RGPD3: variants seen among roughly 807,000 people sequenced by gnomAD.
RGPD3 encodes RANBP2 like and GRIP domain containing 3.
Under a neutral mutation model 154.5 loss-of-function variants are expected in RGPD3, and 62 were observed. The observed-to-expected ratio is 0.40, with a 90% CI of 0.33 to 0.50. The LOEUF (loss-of-function observed/expected upper bound fraction) is 0.50. Among genes scored for constraint, RGPD3 ranks in the 20% least tolerant of loss-of-function variants. RGPD3 has a pLI of 0.59. For synonymous variants in RGPD3, 308 were observed against 607.0 expected, an observed-to-expected ratio of 0.51 and a Z score of 7.24; for missense variants, 919 against 1,716.8, an observed-to-expected ratio of 0.54 and a Z score of 8.21.
intron 7 of RGPD3, among the ~76,000 whole-genome samples, chr2:106,442,184 AC>A: frequency 1.1e-5 from 1 of 92,170 alleles, no homozygotes; most frequent in African/African-American, 4.2e-5. Flanking sequence ...CCTATCTCCA[AC>A]AAAAGAAAAA....
intron 1 of RGPD3, among the ~76,000 whole-genome samples, chr2:106,461,318 T>C (rs1573302249): frequency 1.4e-5 from 2 of 147,490 alleles, no homozygotes; most frequent in East Asian, 2.1e-4. Flanking sequence ...TTTGGTGCCA[T>C]TTTAAATAAA....
At chr2:106,447,961 T>C (rs1444965619) in intron 6 of RGPD3, among the ~76,000 whole-genome samples, 4 of 151,804 alleles carry the variant, frequency 2.6e-5, no homozygotes, top group Non-Finnish European at 5.9e-5. Flanking sequence ...CCTGATCATA[T>C]AATTTCATTA....
rs1407215512 is a variant in RGPD3, at chr2:106,424,676, TCTTA to T, written c.3287_3290del (p.Val1096GlufsTer3). On this transcript the variant is annotated frameshift_variant, in exon 20 of 23. Coordinates refer to ENST00000409886, the MANE Select transcript of RGPD3 (RefSeq NM_001144013.2). LOFTEE classifies it high-confidence loss of function. ...GTACTTGTTCTCTTTGCATCAGCATTCTTACTTTGCCATTGACCTCGTTTTTGAG... is the reference window on the plus strand; with the variant it reads ...GTACTTGTTCTCTTTGCATCAGCATTCTTTGCCATTGACCTCGTTTTTGAG... 1 of 1,611,890 alleles carries T rather than the reference TCTTA, an allele frequency of 6.2e-7. No homozygotes were observed. The highest frequency in any genetic ancestry group is 8.5e-7 in the Non-Finnish European group (1 of 1,179,862).
intron 7 of RGPD3, among the ~76,000 whole-genome samples, chr2:106,445,220 C>T (rs1321180586): frequency 1.1e-4 from 16 of 143,034 alleles, no homozygotes; most frequent in South Asian, 2.2e-4. Context: ...ACCCAGGAGG[C>T]GGAGCTTGCA....
At chr2:106,470,894 C>T, upstream of RGPD3, 1 of 1,591,182 alleles carries the variant, frequency 6.3e-7, no homozygotes, top group African/African-American at 1.4e-5. Context: ...TGGACATCGT[C>T]AGAGAGGGAG....
At chr2:106,416,083 T>C (rs1189682103) in intron 20 of RGPD3, 94 bp from the exon 21 acceptor site, 3 of 1,541,096 alleles carry the variant, frequency 1.9e-6, no homozygotes, top group African/African-American at 2.8e-5. Flanking sequence ...TATCTTACTA[T>C]GTGATATTTT....
rs756752769 is a variant in RGPD3 at position 106,424,021 on chromosome 2, C to T, written c.3946G>A (p.Val1316Ile). ...ACATCAGATTCTTCATCAGTGCCAACTGAAGTCCCACTCTGATTCAACTTG... is the reference window on the plus strand; with the variant it reads ...ACATCAGATTCTTCATCAGTGCCAATTGAAGTCCCACTCTGATTCAACTTG... ...PAKLNQSGTS[V>I]GTDEESDVTQ... The change falls in exon 20 of 23, where the codon GTT becomes ATT. Residue 1316 changes from valine (V) to isoleucine (I), a missense_variant. Physicochemically the swap from Val to Ile is conservative, Grantham distance 29 (BLOSUM62 3). Transcript: ENST00000409886. 2.5e-6 allele frequency: 4 copies of T among 1,611,656 alleles called. No homozygotes were observed. Among genetic ancestry groups the T allele is most frequent in the South Asian group, 2.2e-5 (2 of 90,972 alleles).
chr2:106,406,780 T>C (rs62146304), intron 22 of RGPD3, among the ~76,000 whole-genome samples: 208 of 135,982 alleles, frequency 1.5e-3, no homozygotes, highest in African/African-American at 5.3e-3. Flanking sequence ...TTTAATTTGG[T>C]ATTACCCTTC....
chr2:106,440,251 A>T (rs1677697461), intron 8 of RGPD3, among the ~76,000 whole-genome samples: 1 of 101,908 alleles, frequency 9.8e-6, no homozygotes, highest in African/African-American at 3.9e-5. Context: ...TGAACTGTAC[A>T]CTTTAAATGG....
chr2:106,415,674 CAAAAAAA>C (rs879163469), intron 21 of RGPD3, among the ~76,000 whole-genome samples, 169 bp downstream of exon 21: 6 of 44,750 alleles, frequency 1.3e-4, no homozygotes, highest in African/African-American at 5.1e-4. Flanking sequence ...AAGACTGTCT[CAAAAAAA>C]AAAAAAAAAA....
chr2:106,450,106 G>A lies in RGPD3; in HGVS notation c.782+2099C>T, dbSNP rs190379922. 3.3e-3 allele frequency among the ~76,000 whole-genome samples: 479 copies of A among 143,756 alleles called. 7 individuals are homozygous for A. The highest frequency in any genetic ancestry group is 0.012 in the African/African-American group (452 of 38,774). 94.3% of individuals were successfully genotyped at this position (143,756 alleles called of 152,430 possible). A position where few individuals can be genotyped will look rare whatever the true frequency, so the allele number is the denominator to read the frequency against. On this transcript the variant is annotated intron_variant, in intron 6 of 22. Coordinates refer to ENST00000409886, the MANE Select transcript of RGPD3 (RefSeq NM_001144013.2). Reference sequence around the variant, plus strand: ...AAAATTAGCCAGGTGTGGGCTGGGCGCGGTGGCTCATGCCTGTAATCCCAA... The same window carrying A: ...AAAATTAGCCAGGTGTGGGCTGGGCACGGTGGCTCATGCCTGTAATCCCAA...
At chr2:106,412,676 T>C (rs1676712414) in intron 22 of RGPD3, 1 of 448,542 alleles carries the variant, frequency 2.2e-6, no homozygotes, top group African/African-American at 2.0e-5. Context: ...AGTGTTGGGC[T>C]CTATGGCTCC....
chr2:106,417,914 G>T (rs1409360577), intron 20 of RGPD3, among the ~76,000 whole-genome samples: 1 of 150,160 alleles, frequency 6.7e-6, no homozygotes, highest in African/African-American at 2.5e-5. Flanking sequence ...TGGATCACGA[G>T]GTCAGCAAGT....
chr2:106,435,493 GT>G (rs1157526607), intron 12 of RGPD3, among the ~76,000 whole-genome samples: 23 of 141,348 alleles, frequency 1.6e-4, no homozygotes, highest in African/African-American at 5.7e-4. Context: ...TTTTAGTAGA[GT>G]TTTTTTTGTA....
rs1283095489 is a variant in RGPD3, at chr2:106,450,992, G to C, written c.782+1213C>G. 2.0e-5 allele frequency among the ~76,000 whole-genome samples: 3 copies of C among 150,380 alleles called. No homozygotes were observed. The South Asian group carries it at 6.3e-4, about 32-fold the overall frequency. On this transcript the variant is annotated intron_variant, in intron 6 of 22. Transcript: ENST00000409886. ...TGGTCCCAGCTACTCGGGAGGCTGA[G>C]GCAGGAGAATCGCCTGAACCCGGGA... is the stretch of plus-strand genomic sequence containing the variant.
intron 17 of RGPD3, among the ~76,000 whole-genome samples, chr2:106,432,453 AAAAAT>A (rs1229205768): frequency 7.0e-6 from 1 of 142,884 alleles, no homozygotes; most frequent in African/African-American, 2.6e-5. Context: ...CCTCTGTCTC[AAAAAT>A]AAAATAAAAT....
At chr2:106,414,154 T>C (rs1267853369) in intron 21 of RGPD3, among the ~76,000 whole-genome samples, 1 of 151,800 alleles carries the variant, frequency 6.6e-6, no homozygotes, top group African/African-American at 2.4e-5. Context: ...AAAGGTAATA[T>C]CATGTTCAAG....
intron 22 of RGPD3, among the ~76,000 whole-genome samples, chr2:106,411,556 T>C (rs1467670622): frequency 1.3e-5 from 2 of 151,192 alleles, no homozygotes; most frequent in East Asian, 1.9e-4. Flanking sequence ...TGGCCGGGCG[T>C]GGTGGCTCAC....
intron 2 of RGPD3, among the ~76,000 whole-genome samples, chr2:106,459,053 G>C (rs1333640560): frequency 7.8e-4 from 115 of 147,042 alleles, no homozygotes; most frequent in African/African-American, 2.7e-3. Context: ...CTTGCCCTTG[G>C]TATAAAGCAG....
Sources: allele counts gnomAD v4.1 joint callset (sites outside exome capture counted in the v4.1 genomes callset), GRCh38; gene constraint gnomAD v4.1.1; transcripts MANE v1.5; gene names NCBI Gene and HGNC (gene_info 2026-07-23, HGNC 2026-07-21).